The following RTN1 variants were observed in gnomAD, a reference collection of about 807,000 sequenced individuals.
RTN1 encodes the protein reticulon-1.
RTN1 carries 25 observed loss-of-function variants against 65.5 expected under a neutral mutation model. The ratio of observed to expected loss-of-function variants is 0.38; its 90% CI spans 0.28 to 0.53. The LOEUF (loss-of-function observed/expected upper bound fraction) is 0.53, where lower values mean the gene tolerates loss of function less well. Ranked by LOEUF, RTN1 falls within the 20% of genes least tolerant of loss-of-function variation. RTN1 has a pLI of 0.79. For synonymous variants in RTN1, 471 were observed against 447.6 expected, an observed-to-expected ratio of 1.05 and a Z score of -0.66; for missense variants, 983 against 1,025.4, an observed-to-expected ratio of 0.96 and a Z score of 0.57.
intron 1 of RTN1, among the ~76,000 whole-genome samples, chr14:59,775,085 T>C (rs1373806299): frequency 1.3e-5 from 2 of 152,168 alleles, no homozygotes; most frequent in South Asian, 2.1e-4. Flanking sequence ...GCTCTCTTCT[T>C]AGATGGGGCC....
chr14:59,787,660 G>T (rs565600887), intron 1 of RTN1, among the ~76,000 whole-genome samples: 1 of 152,292 alleles, frequency 6.6e-6, no homozygotes, highest in African/African-American at 2.4e-5. Context: ...GGGACCTTGT[G>T]CCAAAAGTGG....
intron 3 of RTN1, among the ~76,000 whole-genome samples, chr14:59,618,115 T>C (rs539586332): frequency 6.6e-6 from 1 of 152,294 alleles, no homozygotes; most frequent in Admixed American, 6.5e-5. Context: ...TGAACTAACT[T>C]TGGAAGAAAC....
In RTN1 at chr14:59,727,026, T is replaced by A; in HGVS notation, c.1658A>T (p.Lys553Met). ...GTTGGAACTCGAGTCTTCTTCAGGC[T>A]TCCGTGGCAACATGGGCGTCTCAGG... is the stretch of plus-strand genomic sequence containing the variant. ...LEPETPMLPR[K>M]PEEDSSSNQS... The change falls in exon 3 of 9, where the codon AAG becomes ATG. Residue 553 changes from lysine to methionine, a missense_variant. Physicochemically the swap from Lys to Met is moderately conservative, Grantham distance 95. Transcript: ENST00000267484. This position sits in a 1 kb window ranked among gnomAD's most constrained non-coding sequence, Gnocchi z 4.2. 6.2e-7 allele frequency: 1 copy of A among 1,613,610 alleles called. No individual in the cohort carries two copies. The highest frequency in any genetic ancestry group is 8.5e-7 in the Non-Finnish European group (1 of 1,179,808).
Position 59,624,487 on chromosome 14 carries a change from C to T in RTN1, c.1766-16995G>A, listed in dbSNP as rs147331901. Among the ~76,000 whole-genome samples the T allele has an allele frequency of 4.2e-3, 622 of 149,112 alleles. 4 individuals carry two copies. The highest frequency in any genetic ancestry group is 0.012 in the African/African-American group (499 of 40,446). On this transcript the variant is annotated intron_variant, in intron 3 of 8. Coordinates refer to ENST00000267484, the MANE Select transcript of RTN1 (RefSeq NM_021136.3). The stretch of plus-strand genomic sequence containing the variant: ...TTTCTTTTTTTTTTTTTTGAGACGG[C>T]GTCTTGCTCTGTTGCCCAGGCTGGA...
chr14:59,779,824 A>G (rs1358831436), intron 1 of RTN1, among the ~76,000 whole-genome samples: 1 of 152,126 alleles, frequency 6.6e-6, no homozygotes, highest in Non-Finnish European at 1.5e-5. Context: ...ATTATTGCTC[A>G]TAACCTCATG....
intron 3 of RTN1, among the ~76,000 whole-genome samples, chr14:59,662,956 C>T (rs947922842): frequency 1.3e-4 from 20 of 152,182 alleles, no homozygotes; most frequent in Admixed American, 7.9e-4. Context: ...CCCATATAGC[C>T]AAGACAATCC....
chr14:59,700,339 T>C (rs978374418), intron 3 of RTN1, among the ~76,000 whole-genome samples: 1 of 152,100 alleles, frequency 6.6e-6, no homozygotes, highest in African/African-American at 2.4e-5. Context: ...CCTATCAAGG[T>C]ACAAGCTAAG....
chr14:59,616,930 C>G (rs1185258437), intron 3 of RTN1, among the ~76,000 whole-genome samples: 1 of 152,208 alleles, frequency 6.6e-6, no homozygotes, highest in Non-Finnish European at 1.5e-5. Context: ...CAACTTCTAA[C>G]AAGTGAGTAA....
intron 3 of RTN1, among the ~76,000 whole-genome samples, chr14:59,678,611 T>C (rs1469805302): frequency 6.6e-6 from 1 of 152,178 alleles, no homozygotes; most frequent in Non-Finnish European, 1.5e-5. Flanking sequence ...ACAGCACATG[T>C]TGGGACCTCA....
At chr14:59,750,415 T>C (rs1279298563) in intron 1 of RTN1, among the ~76,000 whole-genome samples, 1 of 65,290 alleles carries the variant, frequency 1.5e-5, no homozygotes, top group Non-Finnish European at 2.6e-5. Flanking sequence ...ATTATATGTA[T>C]AATATATAAT....
At chr14:59,748,526 C>G (rs1885277550) in intron 1 of RTN1, among the ~76,000 whole-genome samples, 2 of 152,094 alleles carry the variant, frequency 1.3e-5, no homozygotes, top group African/African-American at 2.4e-5. Flanking sequence ...TTGCCTTCCC[C>G]TCCCCACTCC....
chr14:59,778,885 A>G (rs1886101485), intron 1 of RTN1, among the ~76,000 whole-genome samples: 1 of 152,162 alleles, frequency 6.6e-6, no homozygotes, highest in Non-Finnish European at 1.5e-5. Context: ...GAACAGGGTC[A>G]GGTTGGGGAG....
chr14:59,611,572 C>T (rs888613053), intron 3 of RTN1, among the ~76,000 whole-genome samples: 1 of 152,126 alleles, frequency 6.6e-6, no homozygotes, highest in East Asian at 1.9e-4. Flanking sequence ...GTGTCTGTAG[C>T]CCCATCGTGG....
chr14:59,645,747 C>T (rs1882881363), intron 3 of RTN1, among the ~76,000 whole-genome samples: 1 of 152,204 alleles, frequency 6.6e-6, no homozygotes, highest in Non-Finnish European at 1.5e-5. Flanking sequence ...CTGGTCCTCA[C>T]TTCTCTTCAC....
chr14:59,750,460 T>A (rs1594723271), intron 1 of RTN1, among the ~76,000 whole-genome samples: 1 of 68,540 alleles, frequency 1.5e-5, no homozygotes, highest in South Asian at 5.1e-4. Context: ...ATAATATATA[T>A]ATCTATAATA....
chr14:59,695,534 A>G (rs899988904), intron 3 of RTN1, among the ~76,000 whole-genome samples: 3 of 152,304 alleles, frequency 2.0e-5, no homozygotes, highest in Admixed American at 1.3e-4. Context: ...GAAAACATGC[A>G]TGGAGCTAAG....
chr14:59,722,138 G>A (rs1001314643), intron 3 of RTN1, among the ~76,000 whole-genome samples: 2 of 152,188 alleles, frequency 1.3e-5, no homozygotes, highest in African/African-American at 4.8e-5. Flanking sequence ...AACTGTAAGA[G>A]GGTTAGAGTC....
At chr14:59,646,580 TAGC>T (rs1253213817) in intron 3 of RTN1, among the ~76,000 whole-genome samples, 1 of 152,150 alleles carries the variant, frequency 6.6e-6, no homozygotes, top group Non-Finnish European at 1.5e-5. Flanking sequence ...CCCATCAGGC[TAGC>T]AGCAGACCTC....
intron 3 of RTN1, among the ~76,000 whole-genome samples, chr14:59,628,213 T>C (rs1020346379): frequency 1.3e-5 from 2 of 152,166 alleles, no homozygotes; most frequent in African/African-American, 4.8e-5. Flanking sequence ...CCTGGTTACA[T>C]ATTAAACTCA....
Sources: allele counts gnomAD v4.1 joint callset (sites outside exome capture counted in the v4.1 genomes callset), GRCh38; gene constraint gnomAD v4.1.1; non-coding constraint Gnocchi (gnomAD v3.1); transcripts MANE v1.5; gene names NCBI Gene and HGNC (gene_info 2026-07-23, HGNC 2026-07-21).